UACA: variants seen among roughly 807,000 people sequenced by gnomAD.
UACA encodes uveal autoantigen with coiled-coil domains and ankyrin repeats.
UACA carries 112 observed loss-of-function variants against 160.5 expected under a neutral mutation model. The ratio of observed to expected loss-of-function variants is 0.70; its 90% CI spans 0.60 to 0.82. The LOEUF (loss-of-function observed/expected upper bound fraction) is 0.82, where lower values mean the gene tolerates loss of function less well. UACA is among the 40% of genes least tolerant of loss of function. The probability of loss-of-function intolerance (pLI) is 0.00; values close to 1 mark genes in which losing one functional copy is unlikely to be tolerated. For missense variants in UACA, 1,574 were observed against 1,614.6 expected (o/e 0.97, Z 0.43); for synonymous variants, 557 against 568.4 (o/e 0.98, Z 0.29).
rs16954712 is a variant in UACA at position 70,715,971 on chromosome 15, T to G, written c.79-16311A>C. Among the ~76,000 whole-genome samples, 4,447 of 152,264 alleles carry G rather than the reference T, an allele frequency of 0.029. 341 individuals are homozygous for G. In the East Asian group the frequency reaches 0.3, roughly 10 times the overall value. ...AAAGGAACTAATTTAAGGCGGTGGA[T>G]GATGCAGTGGATGATGCAGCCACTA... On this transcript the variant is annotated intron_variant, in intron 1 of 18. Coordinates refer to ENST00000322954, the MANE Select transcript of UACA (RefSeq NM_018003.4).
At chr15:70,713,280 A>T (rs1898738308) in intron 1 of UACA, among the ~76,000 whole-genome samples, 1 of 152,210 alleles carries the variant, frequency 6.6e-6, no homozygotes. Context: ...CCCAGGAGGC[A>T]GAGCCTGCAG....
the UACA span, among the ~76,000 whole-genome samples, chr15:70,778,189 A>C: frequency 2.7e-3 from 401 of 150,318 alleles, 4 homozygotes; most frequent in African/African-American, 9.9e-3. Context: ...TGACAAAATG[A>C]GACCTGGTCT....
rs761867692 is a variant in UACA, at chr15:70,666,911, C to A, written c.3773G>T (p.Cys1258Phe). 18 of 1,612,776 alleles carry A rather than the reference C, an allele frequency of 1.1e-5. No homozygotes were observed. The highest frequency in any genetic ancestry group is 1.4e-5 in the Non-Finnish European group (17 of 1,179,772). Residue 1258 changes from cysteine (C) to phenylalanine (F), a missense_variant, in exon 16 of 19, where the codon TGT becomes TTT. Coordinates refer to ENST00000322954, the MANE Select transcript of UACA (RefSeq NM_018003.4). The part of the protein sequence containing the change: ...ANLNRKYEEV[C>F]EEVLHAKKKE... The stretch of plus-strand genomic sequence containing the variant: ...CTTTTTGGCATGCAAAACTTCCTCA[C>A]ATACTTCCTCATACTTTCTATTCAG...
Position 70,763,497 on chromosome 15 carries a change from G to C in UACA, c.-90C>G, listed in dbSNP as rs561970145. On this transcript the variant is annotated 5_prime_UTR_variant, in exon 1 of 19. Transcript: ENST00000322954. The stretch of plus-strand genomic sequence containing the variant: ...AGACGGCAGCGGCTGCAGCAGAGGC[G>C]GCGCGGGCTGTACCAGCCCCACCTG... The C allele has an allele frequency of 2.4e-6, 3 of 1,258,350 alleles. No individual in the cohort carries two copies. The highest frequency in any genetic ancestry group is 3.0e-6 in the Non-Finnish European group (3 of 994,842). 77.9% of individuals were successfully genotyped at this position (1,258,350 alleles called of 1,614,324 possible).
At chr15:70,713,721 T>C (rs1241822188) in intron 1 of UACA, among the ~76,000 whole-genome samples, 1 of 152,110 alleles carries the variant, frequency 6.6e-6, no homozygotes, top group Admixed American at 6.5e-5. Flanking sequence ...GACATACTAT[T>C]TTTTTTCACT....
intron 1 of UACA, chr15:70,701,854 C>T (rs769623471): frequency 6.3e-7 from 1 of 1,599,484 alleles, no homozygotes; most frequent in South Asian, 1.1e-5. Context: ...TCTTTTGTTA[C>T]ACTAGACTAC....
At chr15:70,708,464 CT>C (rs1190953678) in intron 1 of UACA, among the ~76,000 whole-genome samples, 3,461 of 142,960 alleles carry the variant, frequency 0.024, 100 homozygotes, top group African/African-American at 0.078. Context: ...ACAATACTAT[CT>C]TTTTTTTTTT....
chr15:70,738,602 A>G (rs1899437415), intron 1 of UACA, among the ~76,000 whole-genome samples: 1 of 152,096 alleles, frequency 6.6e-6, no homozygotes, highest in African/African-American at 2.4e-5. Flanking sequence ...GCTCACTTTA[A>G]TTTTCATGGC....
intron 7 of UACA, among the ~76,000 whole-genome samples, chr15:70,685,838 G>T (rs989355272): frequency 6.6e-6 from 1 of 151,834 alleles, no homozygotes; most frequent in African/African-American, 2.4e-5. Flanking sequence ...GCAGTGGCAT[G>T]ATCTCAGCTC....
intron 1 of UACA, among the ~76,000 whole-genome samples, chr15:70,716,151 C>T (rs1224186895): frequency 6.6e-6 from 1 of 152,152 alleles, no homozygotes; most frequent in Non-Finnish European, 1.5e-5. Flanking sequence ...CAGAAGTGAC[C>T]TTTGTAGGAG....
chr15:70,758,886 G>A (rs2030579954), intron 1 of UACA: 1 of 152,092 alleles, frequency 6.6e-6, no homozygotes, highest in Non-Finnish European at 1.5e-5. Flanking sequence ...ACTCTGCTAC[G>A]ACTTTGTTTG....
At chr15:70,746,784 C>T (rs1899719451) in intron 1 of UACA, among the ~76,000 whole-genome samples, 1 of 152,096 alleles carries the variant, frequency 6.6e-6, no homozygotes. Flanking sequence ...ACATATTCAC[C>T]ATGGAATACT....
chr15:70,675,505 T>A (rs1431934456), intron 13 of UACA, among the ~76,000 whole-genome samples: 4 of 152,150 alleles, frequency 2.6e-5, no homozygotes, highest in Admixed American at 6.5e-5. Context: ...ACACCAAAAG[T>A]TTCTTCACAC....
the UACA span, among the ~76,000 whole-genome samples, chr15:70,774,492 G>T: frequency 6.8e-6 from 1 of 146,900 alleles, no homozygotes; most frequent in African/African-American, 2.6e-5. Flanking sequence ...CTTGCAGTGA[G>T]CCAAGATCGT....
intron 13 of UACA, 72 bp from the exon 14 acceptor site, chr15:70,672,073 C>A: frequency 7.2e-7 from 1 of 1,398,112 alleles, no homozygotes. Flanking sequence ...TCTATTTTAG[C>A]TCTAAATCAT....
intron 1 of UACA, among the ~76,000 whole-genome samples, chr15:70,751,083 CA>C (rs34272258): frequency 6.6e-6 from 1 of 151,924 alleles, no homozygotes; most frequent in African/African-American, 2.4e-5. Context: ...GCTTATCCTA[CA>C]AAAAAAACCC....
chr15:70,761,292 GT>G (rs1459517041), intron 1 of UACA, among the ~76,000 whole-genome samples: 2 of 152,194 alleles, frequency 1.3e-5, no homozygotes, highest in East Asian at 3.9e-4. Flanking sequence ...TGAAGCAGGG[GT>G]TAGGGAAACA....
chr15:70,698,568 C>T (rs776232948), intron 2 of UACA, among the ~76,000 whole-genome samples: 1 of 152,078 alleles, frequency 6.6e-6, no homozygotes, highest in Non-Finnish European at 1.5e-5. Flanking sequence ...ATTTATAGTC[C>T]TGCTGTTATC....
intron 18 of UACA, among the ~76,000 whole-genome samples, chr15:70,659,004 T>C (rs1896581589): frequency 6.6e-6 from 1 of 152,194 alleles, no homozygotes; most frequent in South Asian, 2.1e-4. Flanking sequence ...TTGCTGTATT[T>C]TTCATTAGGA....
Sources: gnomAD v4.1 joint callset for allele counts (sites outside exome capture counted in the v4.1 genomes callset) on GRCh38, gnomAD v4.1.1 for gene constraint, MANE v1.5 for transcripts, NCBI Gene and HGNC (gene_info 2026-07-23, HGNC 2026-07-21) for gene names.